The following STAG1 variants were observed in gnomAD, a reference collection of about 807,000 sequenced individuals.
STAG1 encodes the protein STAG1 cohesin complex component.
STAG1 carries 26 observed loss-of-function variants against 170.9 expected under a neutral mutation model. That is an observed-to-expected ratio of 0.15 (90% CI 0.11 to 0.21). STAG1 has a LOEUF of 0.21. Among genes scored for constraint, STAG1 ranks in the 10% least tolerant of loss-of-function variants. The pLI is 1.00. For missense variants in STAG1, 964 were observed against 1,509.5 expected (o/e 0.64, Z 5.99); for synonymous variants, 514 against 497.7 (o/e 1.03, Z -0.44).
chr3:136,746,333 C>G (rs528508741), intron 1 of STAG1, among the ~76,000 whole-genome samples: 21 of 151,942 alleles, frequency 1.4e-4, no homozygotes, highest in Non-Finnish European at 2.8e-4. Context: ...CCAGTTATAT[C>G]CTTTAAAGCA....
intron 16 of STAG1, among the ~76,000 whole-genome samples, chr3:136,426,144 A>G (rs1022368273): frequency 9.2e-5 from 14 of 151,934 alleles, no homozygotes; most frequent in Non-Finnish European, 1.6e-4. Flanking sequence ...GCGGTGGCTC[A>G]TGCCTGTAAT....
At chr3:136,590,985 T>G (rs1938136815) in intron 4 of STAG1, among the ~76,000 whole-genome samples, 1 of 151,526 alleles carries the variant, frequency 6.6e-6, no homozygotes. Context: ...TTTGGTTGGG[T>G]GTTGTTTTGT....
At chr3:136,751,236 G>C (rs1402799590) in intron 1 of STAG1, among the ~76,000 whole-genome samples, 1 of 145,646 alleles carries the variant, frequency 6.9e-6, no homozygotes, top group Non-Finnish European at 1.5e-5. Context: ...TTATACTCCC[G>C]GAGCACGATT....
At chr3:136,531,801 C>T (rs573335751) in intron 6 of STAG1, among the ~76,000 whole-genome samples, 4 of 150,314 alleles carry the variant, frequency 2.7e-5, no homozygotes, top group African/African-American at 4.9e-5. Flanking sequence ...GGGAGATATA[C>T]CTAATGCTAG....
intron 3 of STAG1, among the ~76,000 whole-genome samples, chr3:136,622,934 C>T (rs1939932474): frequency 6.6e-6 from 1 of 152,194 alleles, no homozygotes; most frequent in Non-Finnish European, 1.5e-5. Flanking sequence ...CATTTATTTA[C>T]AAAGAGAAGG....
chr3:136,418,358 T>C (rs1387524871), intron 20 of STAG1, among the ~76,000 whole-genome samples: 1 of 26,538 alleles, frequency 3.8e-5, no homozygotes, highest in African/African-American at 2.6e-4. Flanking sequence ...AGACTCTGTC[T>C]CCAAAAAAAA....
intron 1 of STAG1, among the ~76,000 whole-genome samples, chr3:136,717,385 C>T (rs544273642): frequency 8.5e-5 from 13 of 152,216 alleles, no homozygotes; most frequent in Admixed American, 6.5e-4. Flanking sequence ...ATATGGAGGT[C>T]GGGTGTGGTG....
chr3:136,343,424 T>C (rs1204193597), intron 30 of STAG1, among the ~76,000 whole-genome samples: 2 of 152,206 alleles, frequency 1.3e-5, no homozygotes, highest in East Asian at 1.9e-4. Context: ...CAAGACAAAA[T>C]ATTAATTAAA....
intron 15 of STAG1, among the ~76,000 whole-genome samples, chr3:136,440,170 C>A (rs905497563): frequency 7.9e-5 from 12 of 152,034 alleles, no homozygotes. Context: ...TGGAGTCTCA[C>A]ACTGTCACCC....
At chr3:136,574,327 T>C (rs559897239) in intron 4 of STAG1, among the ~76,000 whole-genome samples, 21 of 151,000 alleles carry the variant, frequency 1.4e-4, no homozygotes, top group African/African-American at 4.9e-4. Flanking sequence ...AGGATATATA[T>C]GTATGTGTGT....
intron 1 of STAG1, among the ~76,000 whole-genome samples, chr3:136,698,906 T>C (rs1942971703): frequency 6.6e-6 from 1 of 152,216 alleles, no homozygotes; most frequent in African/African-American, 2.4e-5. Context: ...AATAATGTCT[T>C]TCACAGCTAC....
chr3:136,383,737 CGA>C lies in STAG1; in HGVS notation c.2278-5987_2278-5986del, dbSNP rs1000091593. Among the ~76,000 whole-genome samples the C allele has an allele frequency of 1.1e-3, 172 of 151,922 alleles. 1 individual carries two copies. The highest frequency in any genetic ancestry group is 4.0e-3 in the African/African-American group (164 of 41,456). Reference sequence around the variant, plus strand: ...TTGGGAGGCCGAGGTGGGCGGATCACGAGGTCAGGAGATCGAGACCATCCTGG... The same window carrying C: ...TTGGGAGGCCGAGGTGGGCGGATCACGGTCAGGAGATCGAGACCATCCTGG... On this transcript the variant is annotated intron_variant, in intron 22 of 33. Coordinates refer to ENST00000383202, the MANE Select transcript of STAG1 (RefSeq NM_005862.3).
chr3:136,717,425 AG>A (rs1212226724), intron 1 of STAG1, among the ~76,000 whole-genome samples: 1 of 152,184 alleles, frequency 6.6e-6, no homozygotes, highest in Non-Finnish European at 1.5e-5. Context: ...GCACTTTGGG[AG>A]GTCGAGGCAG....
chr3:136,398,638 A>G, intron 22 of STAG1, 111 bp downstream of exon 22: 2 of 425,196 alleles, frequency 4.7e-6, no homozygotes, highest in Non-Finnish European at 7.3e-6. Flanking sequence ...ATTTTATTAA[A>G]TATTACAATA....
At chr3:136,665,397 T>C (rs1941723907) in intron 1 of STAG1, among the ~76,000 whole-genome samples, 1 of 152,178 alleles carries the variant, frequency 6.6e-6, no homozygotes, top group African/African-American at 2.4e-5. Flanking sequence ...CTATATACTG[T>C]ACTACATAGC....
chr3:136,363,273 T>G (rs1936946842), intron 26 of STAG1, 93 bp downstream of exon 26: 1 of 658,394 alleles, frequency 1.5e-6, no homozygotes, highest in Non-Finnish European at 2.6e-6. Flanking sequence ...ATGACCTAGT[T>G]TAAATGAGAT....
At chr3:136,350,116 G>A (rs1326822010) in intron 28 of STAG1, among the ~76,000 whole-genome samples, 2 of 152,220 alleles carry the variant, frequency 1.3e-5, no homozygotes, top group Middle Eastern at 3.4e-3. Context: ...CTCCAGCCTG[G>A]GTGACAGTCT....
At chr3:136,703,048 C>A (rs1254151629) in intron 1 of STAG1, among the ~76,000 whole-genome samples, 3 of 112,854 alleles carry the variant, frequency 2.7e-5, no homozygotes. Flanking sequence ...AGCCTGGCAA[C>A]AGAGGAAGAC....
intron 3 of STAG1, among the ~76,000 whole-genome samples, chr3:136,618,397 G>T (rs1212276395): frequency 2.6e-5 from 4 of 152,168 alleles, no homozygotes; most frequent in Non-Finnish European, 5.9e-5. Flanking sequence ...ATCTGTAAGG[G>T]CGCACCCTTC....
Sources: gnomAD v4.1 joint callset for allele counts (sites outside exome capture counted in the v4.1 genomes callset) on GRCh38, gnomAD v4.1.1 for gene constraint, MANE v1.5 for transcripts, NCBI Gene and HGNC (gene_info 2026-07-23, HGNC 2026-07-21) for gene names.